Variants in ZFAND3 observed in about 807,000 individuals in gnomAD.
ZFAND3 encodes AN1-type zinc finger protein 3.
A neutral mutation model predicts 29.6 loss-of-function variants in ZFAND3; 10 were observed. That is an observed-to-expected ratio of 0.34 (90% confidence interval 0.21 to 0.57). The LOEUF is 0.57. Ranked by LOEUF, ZFAND3 falls within the 20% of genes least tolerant of loss-of-function variation. ZFAND3 has a pLI of 0.86. For missense variants in ZFAND3, 230 were observed against 304.5 expected, an observed-to-expected ratio of 0.76 and a Z score of 1.82; for synonymous variants, 128 against 112.6, an observed-to-expected ratio of 1.14 and a Z score of -0.87.
At chr6:37,994,843 C>G (rs1762822617) in intron 2 of ZFAND3, among the ~76,000 whole-genome samples, 1 of 152,132 alleles carries the variant, frequency 6.6e-6, no homozygotes, top group South Asian at 2.1e-4. Context: ...TCTTTAGTGG[C>G]TAGATATCAG....
intron 2 of ZFAND3, among the ~76,000 whole-genome samples, chr6:37,933,383 G>A (rs774681013): frequency 2.6e-5 from 4 of 152,158 alleles, no homozygotes; most frequent in Non-Finnish European, 5.9e-5. Flanking sequence ...CTAGGGGTGT[G>A]TGTGTTTACT....
chr6:38,020,452 C>T (rs1288405006), intron 2 of ZFAND3, among the ~76,000 whole-genome samples: 1 of 152,038 alleles, frequency 6.6e-6, no homozygotes, highest in African/African-American at 2.4e-5. Flanking sequence ...TTTGTATTAA[C>T]AAACAAGTCT....
At chr6:38,060,332 T>C (rs1416556791) in intron 2 of ZFAND3, among the ~76,000 whole-genome samples, 1 of 152,180 alleles carries the variant, frequency 6.6e-6, no homozygotes, top group Non-Finnish European at 1.5e-5. Context: ...ATTCTGACAG[T>C]ACTCTAGCCA....
chr6:38,011,156 C>G (rs2127443724), intron 2 of ZFAND3, among the ~76,000 whole-genome samples: 1 of 152,140 alleles, frequency 6.6e-6, no homozygotes, highest in East Asian at 1.9e-4. Flanking sequence ...GTAGTTTGTT[C>G]CTTTTCATTG....
intron 2 of ZFAND3, among the ~76,000 whole-genome samples, chr6:38,000,027 AAAAT>A (rs756707356): frequency 2.0e-4 from 30 of 152,200 alleles, no homozygotes; most frequent in African/African-American, 4.6e-4. Context: ...TTAGAAGGAA[AAAAT>A]AAATAAAGCT....
chr6:38,086,950 G>C (rs1483043579), intron 4 of ZFAND3, among the ~76,000 whole-genome samples: 1 of 152,240 alleles, frequency 6.6e-6, no homozygotes, highest in East Asian at 1.9e-4. Flanking sequence ...ATACTACAGA[G>C]CTATACTAAC....
At chr6:37,835,757 C>G (rs1208600716) in intron 1 of ZFAND3, among the ~76,000 whole-genome samples, 1 of 151,918 alleles carries the variant, frequency 6.6e-6, no homozygotes, top group South Asian at 2.1e-4. Flanking sequence ...TTTTTTAACA[C>G]AAATAGCATA....
chr6:37,819,842 CG>C lies in ZFAND3; in HGVS notation c.-103del. 4 of 752,868 alleles carry C rather than the reference CG, an allele frequency of 5.3e-6. No individual in the cohort carries two copies. The highest frequency in any genetic ancestry group is 6.8e-6 in the Non-Finnish European group (4 of 587,608). 46.6% of individuals were successfully genotyped at this position (752,868 alleles called of 1,614,324 possible). A position where few individuals can be genotyped will look rare whatever the true frequency, so the allele number is the denominator to read the frequency against. On this transcript the variant is annotated 5_prime_UTR_variant, in exon 1 of 6. Coordinates refer to ENST00000287218, the MANE Select transcript of ZFAND3 (RefSeq NM_021943.3). ...CGCGCCCGCTCCTTCCCCCTCCCCC[CG>C]CCCCGAGCCCCCCGACGCCGCCGCC...
At chr6:37,831,239 C>T (rs1763855012) in intron 1 of ZFAND3, among the ~76,000 whole-genome samples, 1 of 152,192 alleles carries the variant, frequency 6.6e-6, no homozygotes, top group African/African-American at 2.4e-5. Context: ...GGCCAGCTTC[C>T]CAACTTGAAA....
intron 5 of ZFAND3, chr6:38,143,215 C>G (rs1231590939): frequency 6.6e-6 from 1 of 152,242 alleles, no homozygotes; most frequent in Admixed American, 6.5e-5. Flanking sequence ...GTAATTAGAG[C>G]TTTTGCAAGA....
intron 2 of ZFAND3, among the ~76,000 whole-genome samples, chr6:37,989,259 A>G (rs146284603): frequency 2.6e-5 from 4 of 152,358 alleles, no homozygotes; most frequent in African/African-American, 9.6e-5. Flanking sequence ...GGGATATAGC[A>G]GAAAATAAAA....
intron 3 of ZFAND3, among the ~76,000 whole-genome samples, chr6:38,067,818 T>C (rs571638031): frequency 2.8e-4 from 43 of 152,344 alleles, no homozygotes; most frequent in Non-Finnish European, 5.7e-4. Flanking sequence ...TCTGTTGTTA[T>C]GCTTTTAAAG....
chr6:38,148,736 C>T (rs948982094), intron 5 of ZFAND3, among the ~76,000 whole-genome samples: 1 of 152,106 alleles, frequency 6.6e-6, no homozygotes, highest in African/African-American at 2.4e-5. Flanking sequence ...TCCCATGCAC[C>T]TCTACCCGCC....
chr6:37,879,421 A>G (rs1428041384), intron 1 of ZFAND3, among the ~76,000 whole-genome samples: 1 of 151,938 alleles, frequency 6.6e-6, no homozygotes, highest in East Asian at 1.9e-4. Context: ...GGGGAATTGC[A>G]TGGAACCATC....
intron 1 of ZFAND3, among the ~76,000 whole-genome samples, chr6:37,882,589 C>T (rs1446900019): frequency 6.6e-6 from 1 of 152,184 alleles, no homozygotes; most frequent in Non-Finnish European, 1.5e-5. Context: ...GCCAACCTCA[C>T]TGGTCTGTGC....
chr6:37,976,576 A>G (rs1404419122), intron 2 of ZFAND3, among the ~76,000 whole-genome samples: 1 of 124,784 alleles, frequency 8.0e-6, no homozygotes, highest in Admixed American at 8.7e-5. Flanking sequence ...AGAGTGAGAC[A>G]CTGTCTCCAA....
At chr6:38,021,272 G>T (rs1763344508) in intron 2 of ZFAND3, among the ~76,000 whole-genome samples, 1 of 152,224 alleles carries the variant, frequency 6.6e-6, no homozygotes, top group African/African-American at 2.4e-5. Flanking sequence ...GAAGATTAAT[G>T]ATTTGTCTAT....
At chr6:37,954,519 C>T (rs759445896) in intron 2 of ZFAND3, among the ~76,000 whole-genome samples, 5 of 152,148 alleles carry the variant, frequency 3.3e-5, no homozygotes, top group Non-Finnish European at 7.4e-5. Context: ...CCAGTTGGGT[C>T]TTTTATATTG....
chr6:38,141,714 A>C (rs1765960190), intron 5 of ZFAND3, among the ~76,000 whole-genome samples: 1 of 152,210 alleles, frequency 6.6e-6, no homozygotes, highest in African/African-American at 2.4e-5. Flanking sequence ...ACCAGAATCT[A>C]GATGGGGAGG....
Sources: gnomAD v4.1 joint callset for allele counts (sites outside exome capture counted in the v4.1 genomes callset) on GRCh38, gnomAD v4.1.1 for gene constraint, MANE v1.5 for transcripts, NCBI Gene and HGNC (gene_info 2026-07-23, HGNC 2026-07-21) for gene names.